SETD2: variants seen among roughly 807,000 people sequenced by gnomAD.
SETD2 encodes the protein SET domain containing 2, histone lysine methyltransferase.
SETD2 carries 31 observed loss-of-function variants against 242.1 expected under a neutral mutation model. That is an observed-to-expected ratio of 0.13 (90% CI 0.10 to 0.17). The LOEUF (loss-of-function observed/expected upper bound fraction) is 0.17, where lower values mean the gene tolerates loss of function less well. Among genes scored for constraint, SETD2 ranks in the 10% least tolerant of loss-of-function variants. SETD2 has a pLI of 1.00. For missense variants in SETD2, 2,481 were observed against 3,046.3 expected, an observed-to-expected ratio of 0.81 and a Z score of 4.37; for synonymous variants, 1,006 against 1,066.5, an observed-to-expected ratio of 0.94 and a Z score of 1.11.
intron 7 of SETD2, among the ~76,000 whole-genome samples, chr3:47,101,830 G>GA (rs1027900133): frequency 6.6e-6 from 1 of 151,240 alleles, no homozygotes; most frequent in African/African-American, 2.4e-5. Context: ...CTAAAAAAAA[G>GA]AAAAAAAAGT....
rs2107674761 is a variant in SETD2 at position 47,098,056 on chromosome 3, C to T, written c.5041G>A (p.Gly1681Arg). 1.2e-6 allele frequency: 2 copies of T among 1,613,932 alleles called. No homozygotes were observed. The highest frequency in any genetic ancestry group is 1.7e-6 in the Non-Finnish European group (2 of 1,179,910). The change falls in exon 9 of 21, where the codon GGA becomes AGA. Residue 1681 changes from glycine (G) to arginine (R), a missense_variant. Coordinates refer to ENST00000409792, the MANE Select transcript of SETD2 (RefSeq NM_014159.7). ...AGGTAACCCCGGCAATTGGCTGATC[C>T]GCAGAAACATTTCTGGGCTTCTTTT... ...YGKEAQKCFC[G>R]SANCRGYLGG... is the part of the protein sequence containing the mutation.
intron 4 of SETD2, among the ~76,000 whole-genome samples, chr3:47,116,342 T>C (rs1480877332): frequency 6.6e-6 from 1 of 152,180 alleles, no homozygotes; most frequent in Non-Finnish European, 1.5e-5. Flanking sequence ...ACATAAATAT[T>C]ATAAAAGATA....
At chr3:47,115,983 A>T (rs923930122) in intron 4 of SETD2, among the ~76,000 whole-genome samples, 2 of 152,214 alleles carry the variant, frequency 1.3e-5, no homozygotes, top group African/African-American at 2.4e-5. Context: ...TTTACTATTT[A>T]TAAGAACAAT....
chr3:47,121,348 G>A lies in SETD2; in HGVS notation c.3288C>T (p.His1096=), dbSNP rs1319571533. 6.2e-7 allele frequency: 1 copy of A among 1,610,052 alleles called. No individual in the cohort carries two copies. Among genetic ancestry groups the A allele is most frequent in the African/African-American group, 1.3e-5 (1 of 74,924 alleles). ...TCTCATCTTCCCAATGGTCAGAATA[G>A]TGTCTATAACTTTGACTGCTCCGAG... ...CSSRSSQSYR[H]YSDHWEDERL... The change falls in exon 3 of 21, where the codon CAC becomes CAT. Residue 1096 remains histidine (H), a synonymous_variant. Transcript: ENST00000409792.
intron 5 of SETD2, among the ~76,000 whole-genome samples, chr3:47,111,120 A>G (rs1335082656): frequency 6.8e-6 from 1 of 146,460 alleles, no homozygotes; most frequent in Non-Finnish European, 1.5e-5. Context: ...AATCTCAAGA[A>G]GGCCTGGCTG....
chr3:47,018,129 T>G (rs756625976), intron 19 of SETD2, among the ~76,000 whole-genome samples: 3 of 152,202 alleles, frequency 2.0e-5, no homozygotes, highest in Admixed American at 6.5e-5. Flanking sequence ...GTTCCAGAGC[T>G]TCTATGAGGC....
intron 18 of SETD2, chr3:47,028,827 T>A (rs187792199): frequency 6.5e-6 from 1 of 154,062 alleles, no homozygotes; most frequent in East Asian, 1.9e-4. Context: ...CACAGTAGCA[T>A]TCCTGGTGGC....
intron 9 of SETD2, among the ~76,000 whole-genome samples, chr3:47,092,896 C>T (rs1024871978): frequency 7.9e-5 from 12 of 152,198 alleles, no homozygotes; most frequent in African/African-American, 2.9e-4. Context: ...TAACAGCAAC[C>T]CTTCCTATGC....
At chr3:47,086,421 A>G in intron 10 of SETD2, 107 bp from the exon 11 acceptor site, 18 of 1,060,852 alleles carry the variant, frequency 1.7e-5, no homozygotes, top group East Asian at 2.7e-5. Flanking sequence ...TATAGGGTTC[A>G]CTTACATTCA....
chr3:47,076,283 T>G (rs2041073352), intron 12 of SETD2, among the ~76,000 whole-genome samples: 1 of 152,162 alleles, frequency 6.6e-6, no homozygotes, highest in South Asian at 2.1e-4. Context: ...TACAATGGCT[T>G]GAGAGGAGAC....
chr3:47,086,409 A>G lies in SETD2; in HGVS notation c.5278-95T>C, dbSNP rs2107646768. 5 of 1,236,858 alleles carry G rather than the reference A, an allele frequency of 4.0e-6. 1 individual carries two copies. The highest frequency in any genetic ancestry group is 3.4e-6 in the Non-Finnish European group (3 of 881,538). The allele number at this position is 1,236,858 out of a possible 1,614,324, so 76.6% of individuals were successfully genotyped here. On this transcript the variant is annotated intron_variant, in intron 10 of 20. Coordinates refer to ENST00000409792, the MANE Select transcript of SETD2 (RefSeq NM_014159.7). ...AGGAGAGTTCATGTATACGTTACAC[A>G]TTATAGGGTTCACTTACATTCACAA...
At chr3:47,059,021 G>A (rs931128802) in intron 14 of SETD2, among the ~76,000 whole-genome samples, 1 of 151,546 alleles carries the variant, frequency 6.6e-6, no homozygotes, top group Non-Finnish European at 1.5e-5. Flanking sequence ...GTGTTTGCCA[G>A]GTTGGTCTTG....
At chr3:47,134,919 C>T (rs1254882929) in intron 1 of SETD2, among the ~76,000 whole-genome samples, 1 of 152,096 alleles carries the variant, frequency 6.6e-6, no homozygotes, top group Non-Finnish European at 1.5e-5. Flanking sequence ...CCACCACACC[C>T]GGCCTGAATG....
intron 1 of SETD2, among the ~76,000 whole-genome samples, chr3:47,141,308 G>A (rs1163034025): frequency 6.6e-6 from 1 of 152,044 alleles, no homozygotes; most frequent in African/African-American, 2.4e-5. Context: ...GCACCCAGTT[G>A]GTTAATGTTT....
rs899520724 is a variant in SETD2, at chr3:47,106,590, T to C, written c.4716-470A>G. On this transcript the variant is annotated intron_variant, in intron 5 of 20. Transcript: ENST00000409792. Reference sequence around the variant, plus strand: ...ACTTTGGGAGGTAGAGGCGGGTGGATCACCTGAGGTCACAAGTTCGAGACC... The same window carrying C: ...ACTTTGGGAGGTAGAGGCGGGTGGACCACCTGAGGTCACAAGTTCGAGACC... Among the ~76,000 whole-genome samples the C allele has an allele frequency of 2.2e-5, 3 of 138,424 alleles. No homozygotes were observed. The East Asian group carries it at 6.7e-4, about 31-fold the overall frequency. 90.8% of individuals were successfully genotyped at this position (138,424 alleles called of 152,430 possible). A position where few individuals can be genotyped will look rare whatever the true frequency, so the allele number is the denominator to read the frequency against.
chr3:47,113,785 G>A, intron 5 of SETD2, 91 bp downstream of exon 5: 1 of 1,308,908 alleles, frequency 7.6e-7, no homozygotes. Context: ...GTTCCAGTGA[G>A]CCAAGATCGT....
chr3:47,032,227 G>A (rs2038801288), intron 18 of SETD2, among the ~76,000 whole-genome samples: 1 of 151,984 alleles, frequency 6.6e-6, no homozygotes, highest in African/African-American at 2.4e-5. Context: ...AAGAAGTAAA[G>A]CAGGCCAGGT....
intron 9 of SETD2, among the ~76,000 whole-genome samples, chr3:47,095,854 T>C (rs889888132): frequency 6.6e-6 from 1 of 152,060 alleles, no homozygotes; most frequent in Non-Finnish European, 1.5e-5. Flanking sequence ...CATCTACATA[T>C]ATGAATACAG....
At chr3:47,099,788 T>C (rs2042138166) in intron 8 of SETD2, among the ~76,000 whole-genome samples, 1 of 152,180 alleles carries the variant, frequency 6.6e-6, no homozygotes, top group African/African-American at 2.4e-5. Flanking sequence ...ATTTATTAAC[T>C]GGAAGACTTG....
Sources: gnomAD v4.1 joint callset for allele counts (sites outside exome capture counted in the v4.1 genomes callset) on GRCh38, gnomAD v4.1.1 for gene constraint, MANE v1.5 for transcripts, NCBI Gene and HGNC (gene_info 2026-07-23, HGNC 2026-07-21) for gene names.